NXPE2: variants seen among roughly 807,000 people sequenced by gnomAD.
NXPE2 encodes the protein NXPE family member 2.
A neutral mutation model predicts 34.4 loss-of-function variants in NXPE2; 34 were observed. The ratio of observed to expected loss-of-function variants is 0.99; its 90% CI spans 0.75 to 1.31. The LOEUF (loss-of-function observed/expected upper bound fraction) is 1.31. NXPE2 is among the 40% of genes most tolerant of loss of function. The probability of loss-of-function intolerance (pLI) is 0.00; values close to 1 mark genes in which losing one functional copy is unlikely to be tolerated. For missense variants in NXPE2, 649 were observed against 672.5 expected (o/e 0.97, Z 0.39); for synonymous variants, 235 against 231.3 (o/e 1.02, Z -0.15).
chr11:114,630,319 A>T, the NXPE2 span, among the ~76,000 whole-genome samples: 1 of 151,864 alleles, frequency 6.6e-6, no homozygotes, highest in South Asian at 2.1e-4. Flanking sequence ...TGGTACCAAA[A>T]TAGAGATATA....
upstream of NXPE2, among the ~76,000 whole-genome samples, chr11:114,676,722 A>G (rs1555075387): frequency 6.6e-6 from 1 of 152,066 alleles, no homozygotes; most frequent in Non-Finnish European, 1.5e-5. Context: ...TTTAAAATGG[A>G]AATACTGTAT....
the NXPE2 span, among the ~76,000 whole-genome samples, chr11:114,544,618 T>G: frequency 6.6e-6 from 1 of 152,086 alleles, no homozygotes; most frequent in East Asian, 1.9e-4. Context: ...AATCTAAAAT[T>G]TCTGGAAGAA....
the NXPE2 span, among the ~76,000 whole-genome samples, chr11:114,508,684 A>G: frequency 6.6e-6 from 1 of 152,240 alleles, no homozygotes; most frequent in African/African-American, 2.4e-5. Flanking sequence ...GTAGCTGGCT[A>G]GCCATATGCA....
the NXPE2 span, among the ~76,000 whole-genome samples, chr11:114,469,554 A>G: frequency 2.0e-5 from 3 of 149,978 alleles, no homozygotes; most frequent in Admixed American, 6.6e-5. Context: ...CAGTGGTGCA[A>G]TCTCGGATCA....
chr11:114,707,359 G>A (rs1038139650), downstream of NXPE2: 2 of 374,244 alleles, frequency 5.3e-6, no homozygotes, highest in African/African-American at 4.4e-5. Flanking sequence ...GCCTCCCAAA[G>A]TGCTGGGATT....
chr11:114,683,425 GT>G (rs35515592), intron 2 of NXPE2, among the ~76,000 whole-genome samples: 4 of 144,620 alleles, frequency 2.8e-5, no homozygotes, highest in Admixed American at 6.9e-5. Context: ...TAGAGTCAAA[GT>G]TTTTTTTTTT....
chr11:114,599,421 C>T, the NXPE2 span, among the ~76,000 whole-genome samples: 2 of 152,162 alleles, frequency 1.3e-5, no homozygotes, highest in Non-Finnish European at 2.9e-5. Context: ...CCACCCTCTG[C>T]CTGTTATCCA....
intron 2 of NXPE2, among the ~76,000 whole-genome samples, chr11:114,693,142 C>T (rs1030881367): frequency 6.6e-6 from 1 of 152,200 alleles, no homozygotes; most frequent in Non-Finnish European, 1.5e-5. Flanking sequence ...GTGGTGCACA[C>T]TTTGCCTTTG....
At chr11:114,632,077 ATATTAT>A in the NXPE2 span, among the ~76,000 whole-genome samples, 74 of 101,154 alleles carry the variant, frequency 7.3e-4, no homozygotes, top group African/African-American at 2.1e-3. Flanking sequence ...GTATAGTATA[ATATTAT>A]TATATTGTAA....
the NXPE2 span, among the ~76,000 whole-genome samples, chr11:114,475,922 C>T: frequency 6.6e-6 from 1 of 152,178 alleles, no homozygotes; most frequent in Non-Finnish European, 1.5e-5. Context: ...ACACAGTAGC[C>T]AATCACCAAC....
chr11:114,633,096 T>C, the NXPE2 span, among the ~76,000 whole-genome samples: 103 of 121,732 alleles, frequency 8.5e-4, no homozygotes, highest in African/African-American at 3.1e-3. Flanking sequence ...TTATGTATTT[T>C]ATATATTTTA....
chr11:114,626,368 C>T, the NXPE2 span, among the ~76,000 whole-genome samples: 2 of 152,202 alleles, frequency 1.3e-5, no homozygotes, highest in African/African-American at 4.8e-5. Flanking sequence ...GTCCCTGACC[C>T]CTGACCCCCG....
chr11:114,476,456 G>T, the NXPE2 span, among the ~76,000 whole-genome samples: 1 of 152,016 alleles, frequency 6.6e-6, no homozygotes, highest in Non-Finnish European at 1.5e-5. Flanking sequence ...TTGAAACAAA[G>T]CATAATAGTT....
chr11:114,591,798 T>C, the NXPE2 span, among the ~76,000 whole-genome samples: 2 of 152,084 alleles, frequency 1.3e-5, no homozygotes, highest in African/African-American at 4.8e-5. Context: ...CCTACAAATC[T>C]GTAGGTGAAC....
chr11:114,501,569 T>C, the NXPE2 span, among the ~76,000 whole-genome samples: 3 of 152,222 alleles, frequency 2.0e-5, no homozygotes, highest in African/African-American at 7.2e-5. Flanking sequence ...CATTGAATTC[T>C]GAATGACTGT....
At chr11:114,581,681 G>A in the NXPE2 span, 1 of 1,433,502 alleles carries the variant, frequency 7.0e-7, no homozygotes, top group South Asian at 1.2e-5. Context: ...CCCTTTAAAT[G>A]GGTCTAGAAC....
the NXPE2 span, among the ~76,000 whole-genome samples, chr11:114,726,150 A>G: frequency 6.6e-6 from 1 of 151,544 alleles, no homozygotes; most frequent in Non-Finnish European, 1.5e-5. Context: ...TTCTGTGTTG[A>G]CAGTTGTTTT....
chr11:114,758,265 A>G, the NXPE2 span, among the ~76,000 whole-genome samples: 4 of 152,138 alleles, frequency 2.6e-5, no homozygotes, highest in African/African-American at 4.8e-5. Flanking sequence ...GATAGCATGG[A>G]AAGGAGGGAC....
the NXPE2 span, among the ~76,000 whole-genome samples, chr11:114,553,495 C>T: frequency 7.0e-3 from 1,071 of 152,240 alleles, 16 homozygotes; most frequent in African/African-American, 0.022. Context: ...CTTTGTCAGA[C>T]GGAATTTTAC....
Sources: gnomAD v4.1 joint callset for allele counts (sites outside exome capture counted in the v4.1 genomes callset) on GRCh38, gnomAD v4.1.1 for gene constraint, MANE v1.5 for transcripts, NCBI Gene and HGNC (gene_info 2026-07-23, HGNC 2026-07-21) for gene names.